The following SUPT6H variants were observed in gnomAD, a reference collection of about 807,000 sequenced individuals.
The protein encoded by SUPT6H is transcription elongation factor SPT6.
SUPT6H carries 11 observed loss-of-function variants against 222.3 expected under a neutral mutation model. The observed-to-expected ratio is 0.05, with a 90% confidence interval of 0.03 to 0.08. The LOEUF (loss-of-function observed/expected upper bound fraction) is 0.08. Among genes scored for constraint, SUPT6H ranks in the 10% least tolerant of loss-of-function variants. The pLI is 1.00. For synonymous variants in SUPT6H, 762 were observed against 801.2 expected (o/e 0.95, Z 0.83); for missense variants, 1,422 against 2,216.0 (o/e 0.64, Z 7.19).
At chr17:28,675,308 T>A in intron 5 of SUPT6H, 93 bp from the exon 6 acceptor site, 3 of 1,504,238 alleles carry the variant, frequency 2.0e-6, no homozygotes, top group African/African-American at 1.4e-5. Flanking sequence ...CCTTCTCTGT[T>A]GCTCACTGGC....
chr17:28,681,902 G>T lies in SUPT6H; in HGVS notation c.1519G>T (p.Asp507Tyr), dbSNP rs764582082. 6.8e-6 allele frequency: 11 copies of T among 1,610,128 alleles called. No individual in the cohort carries two copies. Among genetic ancestry groups the T allele is most frequent in the Admixed American group, 1.7e-5 (1 of 59,498 alleles). ...DEEGEGDEAE[D>Y]EEQRGPELKQ... ...CCCAGGTGAAGGTGACGAGGCAGAA[G>T]ATGAGGAGCAGAGGGGGCCTGAGCT... Residue 507 changes from aspartate to tyrosine, a missense_variant, in exon 13 of 37, where the codon GAT becomes TAT. Asp to Tyr is a radical substitution (Grantham distance 160). This residue lies in a region of SUPT6H where 389 missense variants were observed against 544.6 expected (regional missense o/e 0.71). Transcript: ENST00000314616.
In SUPT6H at chr17:28,683,285, C is replaced by T. The variant is rs1290797736; in HGVS notation, c.1896C>T (p.His632=). ...GTGTGCAGGATGTGGATGAGGCCCA[C>T]TATGCCTATTCCTTCAAGTATTTAA... ...KKGRKDVDEA[H]YAYSFKYLKN... The change falls in exon 16 of 37, where the codon CAC becomes CAT. Residue 632 remains histidine, a synonymous_variant. Transcript: ENST00000314616. 3 of 1,614,172 alleles carry T rather than the reference C, an allele frequency of 1.9e-6. No individual in the cohort carries two copies. Among genetic ancestry groups the T allele is most frequent in the East Asian group, 2.2e-5 (1 of 44,882 alleles).
At chr17:28,683,205 CTT>C in intron 15 of SUPT6H, 61 bp from the exon 16 acceptor site, 1 of 1,585,288 alleles carries the variant, frequency 6.3e-7, no homozygotes, top group Non-Finnish European at 8.6e-7. Flanking sequence ...GAAAGGCTGT[CTT>C]TTCTCCTGGG....
intron 29 of SUPT6H, among the ~76,000 whole-genome samples, chr17:28,696,046 C>G (rs1054964745): frequency 1.3e-5 from 2 of 152,060 alleles, no homozygotes; most frequent in Non-Finnish European, 2.9e-5. Context: ...GTGGCTCATG[C>G]CTATAATCCC....
chr17:28,663,828 ATTT>A (rs71135839), intron 1 of SUPT6H, among the ~76,000 whole-genome samples: 2 of 38,374 alleles, frequency 5.2e-5, no homozygotes, highest in Non-Finnish European at 9.4e-5. Context: ...TGCCCACTCC[ATTT>A]TTTTTTTTTT....
Position 28,689,360 on chromosome 17 carries a change from C to T in SUPT6H, c.3141C>T (p.Asp1047=), listed in dbSNP as rs147245496. 980 of 1,614,192 alleles carry T rather than the reference C, an allele frequency of 6.1e-4. No homozygotes were observed. Among genetic ancestry groups the T allele is most frequent in the Non-Finnish European group, 7.0e-4 (822 of 1,180,038 alleles). ...IDTASLGDST[D]SYIEVLDGSR... is the part of the protein sequence containing the mutation. ...TTTTCTGCCTTTCCTCCAGCACTGA[C>T]TCATATATTGAAGTCCTTGATGGTT... The change falls in exon 25 of 37, where the codon GAC becomes GAT. Residue 1047 remains aspartate (D), a synonymous_variant. Coordinates refer to ENST00000314616, the MANE Select transcript of SUPT6H (RefSeq NM_003170.5).
chr17:28,681,412 C>A lies in SUPT6H; in HGVS notation c.1498+8C>A, dbSNP rs1244157887. 1 of 1,578,636 alleles carries A rather than the reference C, an allele frequency of 6.3e-7. No homozygotes were observed. Among genetic ancestry groups the A allele is most frequent in the East Asian group, 2.3e-5 (1 of 44,432 alleles). On this transcript the variant is annotated splice_region_variant and intron_variant, in intron 12 of 36. Coordinates refer to ENST00000314616, the MANE Select transcript of SUPT6H (RefSeq NM_003170.5). ...AAGAGGGAGATGAAGAAGGTTAGTG[C>A]TGGAAAAGAAAATCCAGGAGATTTG... is the stretch of plus-strand genomic sequence containing the variant.
intron 19 of SUPT6H, among the ~76,000 whole-genome samples, chr17:28,685,675 G>A (rs1012522669): frequency 6.6e-6 from 1 of 152,092 alleles, no homozygotes; most frequent in Non-Finnish European, 1.5e-5. Flanking sequence ...GTAGAGACAC[G>A]GTTTCACCGT....
In SUPT6H at chr17:28,699,911, T is replaced by G. The variant is rs2032064253; in HGVS notation, c.4561+18T>G. ...TGTACCAGGTGAGTTCTGCTCTTCC[T>G]GACTTCAGGGACGTGGCTGGAGGAA... On this transcript the variant is annotated intron_variant, in intron 33 of 36. Transcript: ENST00000314616. 1 of 1,607,632 alleles carries G rather than the reference T, an allele frequency of 6.2e-7. No individual in the cohort carries two copies. The highest frequency in any genetic ancestry group is 1.3e-5 in the African/African-American group (1 of 74,788).
At chr17:28,667,431 ATATATG>A (rs1238411116) in intron 1 of SUPT6H, among the ~76,000 whole-genome samples, 13 of 135,040 alleles carry the variant, frequency 9.6e-5, no homozygotes, top group Non-Finnish European at 1.9e-4. Context: ...ATATATATAT[ATATATG>A]TATGTGTGTG....
At chr17:28,701,172 C>T in intron 36 of SUPT6H, 44 bp downstream of exon 36, 1 of 1,559,408 alleles carries the variant, frequency 6.4e-7, no homozygotes, top group Non-Finnish European at 8.7e-7. Context: ...GTGGTAGGGG[C>T]AGGTGTTGTC....
In SUPT6H at chr17:28,676,568, C is replaced by T. The variant is rs1368530165; in HGVS notation, c.897+138C>T. 15 of 1,332,576 alleles carry T rather than the reference C, an allele frequency of 1.1e-5. No individual in the cohort carries two copies. In the Admixed American group the frequency reaches 3.6e-4, roughly 32 times the overall value. The allele number at this position is 1,332,576 out of a possible 1,614,324, so 82.5% of individuals were successfully genotyped here. ...CACCTGGGGCCTGGGAAATCCAGCT[C>T]TTAGAGAAGGGAAGATAGACTCTAC... is the stretch of plus-strand genomic sequence containing the variant. On this transcript the variant is annotated intron_variant, in intron 7 of 36. Transcript: ENST00000314616.
chr17:28,683,896 C>T (rs886329216), intron 17 of SUPT6H, 80 bp downstream of exon 17: 20 of 1,346,548 alleles, frequency 1.5e-5, no homozygotes, highest in African/African-American at 1.0e-4. Flanking sequence ...AGTGCAGTGG[C>T]GCAATCTTGG....
At chr17:28,669,032 CTT>C (rs1425651825) in intron 1 of SUPT6H, among the ~76,000 whole-genome samples, 1 of 152,172 alleles carries the variant, frequency 6.6e-6, no homozygotes, top group Admixed American at 6.5e-5. Flanking sequence ...CCTTTATACT[CTT>C]AAAACTTATT....
chr17:28,679,632 G>A (rs1263119504), intron 11 of SUPT6H, among the ~76,000 whole-genome samples: 5 of 151,742 alleles, frequency 3.3e-5, no homozygotes, highest in Non-Finnish European at 7.4e-5. Flanking sequence ...TGCCCGCCTC[G>A]GCCTCCCAAA....
chr17:28,682,453 C>T (rs1304485731), intron 13 of SUPT6H, among the ~76,000 whole-genome samples: 1 of 151,938 alleles, frequency 6.6e-6, no homozygotes, highest in Non-Finnish European at 1.5e-5. Flanking sequence ...AGCAAAACTA[C>T]AAAAAATACA....
Position 28,690,191 on chromosome 17 carries a change from A to G in SUPT6H, c.3452A>G (p.Asn1151Ser). The change falls in exon 26 of 37, where the codon AAT becomes AGT. Residue 1151 changes from asparagine to serine, a missense_variant. Coordinates refer to ENST00000314616, the MANE Select transcript of SUPT6H (RefSeq NM_003170.5). ...TCTCCCAACACAGAGGAGATCTTCA[A>G]TATGTTAACCAAAGAAACACCAGAG... ...YRSPNTEEIFNMLTKETPETF... is the reference protein window; with the variant it reads ...YRSPNTEEIFSMLTKETPETF... 2 of 1,614,030 alleles carry G rather than the reference A, an allele frequency of 1.2e-6. No homozygotes were observed. Among genetic ancestry groups the G allele is most frequent in the Non-Finnish European group, 1.7e-6 (2 of 1,180,038 alleles).
chr17:28,667,715 T>C (rs2030165916), intron 1 of SUPT6H, among the ~76,000 whole-genome samples: 1 of 151,698 alleles, frequency 6.6e-6, no homozygotes, highest in Non-Finnish European at 1.5e-5. Flanking sequence ...TTCTCAGATA[T>C]TCCCCAACCT....
chr17:28,686,314 C>T (rs1200834659), intron 19 of SUPT6H, 25 bp from the exon 20 acceptor site: 2 of 1,607,034 alleles, frequency 1.2e-6, no homozygotes, highest in Non-Finnish European at 1.7e-6. Flanking sequence ...CAGAGCCATT[C>T]AGCTTCAATT....
Sources: gnomAD v4.1 joint callset for allele counts (sites outside exome capture counted in the v4.1 genomes callset) on GRCh38, gnomAD v4.1.1 for gene constraint, gnomAD v4.1.1 regional missense constraint, MANE v1.5 for transcripts, NCBI Gene and HGNC (gene_info 2026-07-23, HGNC 2026-07-21) for gene names.